ATP6V0A2: variants seen among roughly 807,000 people sequenced by gnomAD.
ATP6V0A2 encodes ATPase H+ transporting V0 subunit a2.
In ATP6V0A2, 58 loss-of-function variants were observed where a neutral mutation model predicts 104.4. The observed-to-expected ratio is 0.56, with a 90% CI of 0.45 to 0.69. The LOEUF is 0.69. Ranked by LOEUF, ATP6V0A2 falls within the 30% of genes least tolerant of loss-of-function variation. The pLI is 0.00. For synonymous variants in ATP6V0A2, 376 were observed against 397.9 expected, an observed-to-expected ratio of 0.95 and a Z score of 0.65; for missense variants, 938 against 1,062.9, an observed-to-expected ratio of 0.88 and a Z score of 1.63.
At chr12:123,718,196 T>C (rs1425472797) in intron 1 of ATP6V0A2, among the ~76,000 whole-genome samples, 1 of 151,928 alleles carries the variant, frequency 6.6e-6, no homozygotes, top group African/African-American at 2.4e-5. Flanking sequence ...GTTCAAGCAA[T>C]TTTTCCACCT....
At chr12:123,714,570 G>A (rs1956322089) in intron 1 of ATP6V0A2, among the ~76,000 whole-genome samples, 1 of 152,154 alleles carries the variant, frequency 6.6e-6, no homozygotes, top group Non-Finnish European at 1.5e-5. Context: ...CTAAGAACAG[G>A]TTTCCTCTTT....
chr12:123,757,092 AT>A, intron 19 of ATP6V0A2, 106 bp downstream of exon 19: 2 of 1,234,792 alleles, frequency 1.6e-6, no homozygotes, highest in Non-Finnish European at 2.3e-6. Context: ...CTAATGCTGA[AT>A]TTAGGCCAGT....
chr12:123,731,343 C>A (rs762656122), intron 6 of ATP6V0A2: 7 of 152,158 alleles, frequency 4.6e-5, no homozygotes, highest in Non-Finnish European at 1.0e-4. Context: ...ATGTCTGACC[C>A]TCTTGAAGTT....
At position 123,744,524 on chromosome 12, in the gene ATP6V0A2, C is replaced by A; in HGVS notation, c.1327-73C>A. The A allele has an allele frequency of 6.3e-7, 1 of 1,586,546 alleles. No individual in the cohort carries two copies. The highest frequency in any genetic ancestry group is 8.6e-7 in the Non-Finnish European group (1 of 1,158,824). ...TTTCTGAGAAGTGAGTGGTGAGGGT[C>A]GTGCCCACACCGACAGCTGTCACAT... On this transcript the variant is annotated intron_variant, in intron 11 of 19. Transcript: ENST00000330342. The surrounding 1 kb of genome is among the most constrained non-coding windows in gnomAD (Gnocchi z 5.4).
In ATP6V0A2 at chr12:123,743,911, G is replaced by T. The variant is rs1956634532; in HGVS notation, c.1165G>T (p.Gly389Ter). 2 of 1,613,994 alleles carry T rather than the reference G, an allele frequency of 1.2e-6. No homozygotes were observed. Among genetic ancestry groups the T allele is most frequent in the East Asian group, 2.2e-5 (1 of 44,898 alleles). Residue 389 changes from glycine (G) to a stop codon, truncating the protein, a stop_gained, in exon 10 of 20, where the codon GGA (glycine) becomes TGA (stop). Transcript: ENST00000330342. LOFTEE classifies it high-confidence loss of function. ...GAACATCGTGGATGCTTATGGAGTC[G>T]GAAGCTACAGAGAAGTCAATCCAGG... The part of the protein sequence containing the change: ...FQNIVDAYGV[G>*]SYREVNPALF...
chr12:123,728,744 C>T (rs59326371), intron 6 of ATP6V0A2, among the ~76,000 whole-genome samples: 3,640 of 152,334 alleles, frequency 0.024, 154 homozygotes, highest in African/African-American at 0.083. Context: ...CTCATTGCAC[C>T]GTCAGGTGCC....
chr12:123,748,935 A>G (rs1268236010), intron 15 of ATP6V0A2, 150 bp downstream of exon 15: 3 of 820,152 alleles, frequency 3.7e-6, no homozygotes, highest in East Asian at 2.6e-5. Context: ...ATGCCAGTCC[A>G]GCTTGACCGC....
At position 123,760,363 on chromosome 12, in the gene ATP6V0A2, T is replaced by G. The variant is rs1956799996; in HGVS notation, c.*2331T>G. 6.6e-6 allele frequency: 1 copy of G among 152,194 alleles called. No individual in the cohort carries two copies. The highest frequency in any genetic ancestry group is 1.5e-5 in the Non-Finnish European group (1 of 68,042). The allele number at this position is 152,194 out of a possible 1,614,324, so 9.4% of individuals were successfully genotyped here. A position where few individuals can be genotyped will look rare whatever the true frequency, so the allele number is the denominator to read the frequency against. On this transcript the variant is annotated 3_prime_UTR_variant, in exon 20 of 20. Coordinates refer to ENST00000330342, the MANE Select transcript of ATP6V0A2 (RefSeq NM_012463.4). ...GGAAAGCGCTCTCTGGAAATGTAGT[T>G]TGATAATAGTGTCTTATAGGGGCCA...
chr12:123,760,169 G>A lies in ATP6V0A2; in HGVS notation c.*2137G>A, dbSNP rs191518337. 3.3e-5 allele frequency: 5 copies of A among 152,284 alleles called. No individual in the cohort carries two copies. Among genetic ancestry groups the A allele is most frequent in the Admixed American group, 6.5e-5 (1 of 15,296 alleles). The allele number at this position is 152,284 out of a possible 1,614,324, so 9.4% of individuals were successfully genotyped here. A position where few individuals can be genotyped will look rare whatever the true frequency, so the allele number is the denominator to read the frequency against. ...AAGGGACACGATATTCACGGGAATT[G>A]TTTACTGCTCCCCACTAGTAATTCT... On this transcript the variant is annotated 3_prime_UTR_variant, in exon 20 of 20. Transcript: ENST00000330342.
intron 6 of ATP6V0A2, chr12:123,731,462 T>C (rs2135895113): frequency 6.6e-6 from 1 of 152,432 alleles, no homozygotes; most frequent in South Asian, 2.1e-4. Flanking sequence ...TTCGGTTGTA[T>C]AGATTGTGTT....
chr12:123,745,304 A>C (rs921937030), intron 13 of ATP6V0A2, among the ~76,000 whole-genome samples: 1 of 152,198 alleles, frequency 6.6e-6, no homozygotes, highest in Non-Finnish European at 1.5e-5. Flanking sequence ...GTATATGTGA[A>C]CTTTTAAAAA....
At chr12:123,751,862 C>CTTTTTTTTT (rs34862238) in intron 16 of ATP6V0A2, among the ~76,000 whole-genome samples, 8 of 123,448 alleles carry the variant, frequency 6.5e-5, no homozygotes, top group Non-Finnish European at 9.8e-5. Flanking sequence ...TTCTTTCTTT[C>CTTTTTTTTT]TTTTTTTTTT....
intron 9 of ATP6V0A2, among the ~76,000 whole-genome samples, chr12:123,742,635 G>A (rs922184702): frequency 6.6e-6 from 1 of 152,060 alleles, no homozygotes; most frequent in South Asian, 2.1e-4. Context: ...TTAGGAGTTC[G>A]AGACCAGCCT....
chr12:123,757,587 C>T (rs1442593346), intron 19 of ATP6V0A2, among the ~76,000 whole-genome samples: 1 of 152,154 alleles, frequency 6.6e-6, no homozygotes, highest in Non-Finnish European at 1.5e-5. Context: ...ATAAATCCTT[C>T]TTATGTATTT....
chr12:123,749,076 G>A (rs1956690262), intron 15 of ATP6V0A2, among the ~76,000 whole-genome samples: 1 of 152,182 alleles, frequency 6.6e-6, no homozygotes, highest in African/African-American at 2.4e-5. Flanking sequence ...GATTGCTTGA[G>A]CCCGTGAGTT....
Position 123,721,495 on chromosome 12 carries a change from A to G in ATP6V0A2, c.197-856A>G, listed in dbSNP as rs561209604. 6 of 162,416 alleles carry G rather than the reference A, an allele frequency of 3.7e-5. No individual in the cohort carries two copies. The South Asian group carries it at 9.7e-4, about 26-fold the overall frequency. 10.1% of individuals were successfully genotyped at this position (162,416 alleles called of 1,614,324 possible). ...CATGGCAGCTGTCACTGTGGGAATA[A>G]TGGTCTTTTTTAGCCACCAGAGGGT... On this transcript the variant is annotated intron_variant, in intron 2 of 19. Transcript: ENST00000330342.
At chr12:123,735,907 T>A (rs1278549528) in intron 8 of ATP6V0A2, among the ~76,000 whole-genome samples, 1 of 152,188 alleles carries the variant, frequency 6.6e-6, no homozygotes, top group African/African-American at 2.4e-5. Context: ...GCTCTCGCTC[T>A]GTCGCCCAGG....
At chr12:123,740,864 C>A (rs750475209) in intron 9 of ATP6V0A2, among the ~76,000 whole-genome samples, 5 of 151,908 alleles carry the variant, frequency 3.3e-5, no homozygotes, top group Admixed American at 6.6e-5. Context: ...TAATTTCTTT[C>A]TTTTTTTCCT....
chr12:123,757,911 CTTTT>C lies in ATP6V0A2; in HGVS notation c.2466-6_2466-3del. On this transcript the variant is annotated splice_polypyrimidine_tract_variant and intron_variant, in intron 19 of 19. Coordinates refer to ENST00000330342, the MANE Select transcript of ATP6V0A2 (RefSeq NM_012463.4). ...TTCATAATCTTCCATTAATACATGG[CTTTT>C]TTTTTTTTTAGGGTAGAATTTCAGA... is the stretch of plus-strand genomic sequence containing the variant. The C allele has an allele frequency of 2.4e-6, 3 of 1,261,490 alleles. No individual in the cohort carries two copies. Among genetic ancestry groups the C allele is most frequent in the Admixed American group, 2.0e-5 (1 of 48,788 alleles). The allele number at this position is 1,261,490 out of a possible 1,614,324, so 78.1% of individuals were successfully genotyped here. A position where few individuals can be genotyped will look rare whatever the true frequency, so the allele number is the denominator to read the frequency against.
Sources: gnomAD v4.1 joint callset for allele counts (sites outside exome capture counted in the v4.1 genomes callset) on GRCh38, gnomAD v4.1.1 for gene constraint, Gnocchi (gnomAD v3.1) non-coding constraint, MANE v1.5 for transcripts, NCBI Gene and HGNC (gene_info 2026-07-23, HGNC 2026-07-21) for gene names.